The following NEURL1B variants were observed in gnomAD, a reference collection of about 807,000 sequenced individuals.
NEURL1B encodes the protein E3 ubiquitin-protein ligase NEURL1B.
A neutral mutation model predicts 37.4 loss-of-function variants in NEURL1B; 13 were observed. The ratio of observed to expected loss-of-function variants is 0.35; its 90% CI spans 0.23 to 0.55. The LOEUF is 0.55. Among genes scored for constraint, NEURL1B ranks in the 20% least tolerant of loss-of-function variants. NEURL1B has a pLI of 0.89. For missense variants in NEURL1B, 790 were observed against 879.2 expected (o/e 0.90, Z 1.28); for synonymous variants, 432 against 426.6 (o/e 1.01, Z -0.16).
chr5:172,661,383 G>A lies in NEURL1B; in HGVS notation c.32-8402G>A, dbSNP rs2113287464. ...CTATAGATTTTATTGCTTCTAACAA[G>A]GTCCATGAACCATTCCCCACGCCCC... On this transcript the variant is annotated intron_variant, in intron 1 of 4. Transcript: ENST00000369800. The surrounding 1 kb of genome is among the most constrained non-coding windows in gnomAD (Gnocchi z 4.0). Among the ~76,000 whole-genome samples the A allele has an allele frequency of 6.6e-6, 1 of 152,270 alleles. No individual in the cohort carries two copies. Among genetic ancestry groups the A allele is most frequent in the East Asian group, 1.9e-4 (1 of 5,184 alleles).
rs1292825267 is a variant in NEURL1B, at chr5:172,647,765, G to T, written c.31+6328G>T. Among the ~76,000 whole-genome samples, 1 of 152,106 alleles carries T rather than the reference G, an allele frequency of 6.6e-6. No homozygotes were observed. The highest frequency in any genetic ancestry group is 1.5e-5 in the Non-Finnish European group (1 of 68,016). ...CTCTGGAACTCAAAAGCTGGATGTG[G>T]CCTCTGGGAATCTTGCCTGAGAGGA... On this transcript the variant is annotated intron_variant, in intron 1 of 4. Coordinates refer to ENST00000369800, the MANE Select transcript of NEURL1B (RefSeq NM_001142651.3). This position sits in a 1 kb window ranked among gnomAD's most constrained non-coding sequence, Gnocchi z 4.2.
rs1209805781 is a variant in NEURL1B at position 172,684,210 on chromosome 5, C to T, written c.1297+72C>T. 4.4e-6 allele frequency: 5 copies of T among 1,127,238 alleles called. No homozygotes were observed. The African/African-American group carries it at 6.6e-5, about 15-fold the overall frequency. The allele number at this position is 1,127,238 out of a possible 1,614,324, so 69.8% of individuals were successfully genotyped here. A position where few individuals can be genotyped will look rare whatever the true frequency, so the allele number is the denominator to read the frequency against. On this transcript the variant is annotated intron_variant, in intron 3 of 4. Transcript: ENST00000369800. ...CCGTGCCGTCTCACCCCGCTGCGCTCTTCCCCGGCCCCGCCCCTCTCGCTA... is the reference window on the plus strand; with the variant it reads ...CCGTGCCGTCTCACCCCGCTGCGCTTTTCCCCGGCCCCGCCCCTCTCGCTA...
intron 1 of NEURL1B, among the ~76,000 whole-genome samples, chr5:172,663,409 T>C (rs1368360389): frequency 6.6e-6 from 1 of 150,696 alleles, no homozygotes; most frequent in African/African-American, 2.5e-5. Flanking sequence ...TAGTCCCAGC[T>C]ACTCAGGAGG....
Position 172,681,709 on chromosome 5 carries a change from G to A in NEURL1B, c.578-1710G>A, listed in dbSNP as rs992329968. Among the ~76,000 whole-genome samples the A allele has an allele frequency of 4.4e-4, 67 of 152,208 alleles. 1 individual carries two copies. Among genetic ancestry groups the A allele is most frequent in the Non-Finnish European group, 8.8e-5 (6 of 68,046 alleles). On this transcript the variant is annotated intron_variant, in intron 2 of 4. Coordinates refer to ENST00000369800, the MANE Select transcript of NEURL1B (RefSeq NM_001142651.3). ...CAGTTTAAGTGAAAGGTGTCTGAGG[G>A]GGTGCATTTGGACCCACCGGGGCCT...
Position 172,690,357 on chromosome 5 carries a change from G to A in NEURL1B, c.*3432G>A, listed in dbSNP as rs1337503102. 1 of 152,230 alleles carries A rather than the reference G, an allele frequency of 6.6e-6. No homozygotes were observed. The highest frequency in any genetic ancestry group is 2.4e-5 in the African/African-American group (1 of 41,446). The allele number at this position is 152,230 out of a possible 1,614,324, so 9.4% of individuals were successfully genotyped here. ...CAGCATGGACTGTGTTCAGGACACA[G>A]GGTGAACTTTTCTCTGACCCCCGGT... On this transcript the variant is annotated 3_prime_UTR_variant, in exon 5 of 5. Coordinates refer to ENST00000369800, the MANE Select transcript of NEURL1B (RefSeq NM_001142651.3).
Position 172,669,914 on chromosome 5 carries a change from G to T in NEURL1B, c.161G>T (p.Gly54Val). Residue 54 changes from glycine to valine, a missense_variant, in exon 2 of 5, where the codon GGC becomes GTC. Gly to Val is a moderately radical substitution (Grantham distance 109). Transcript: ENST00000369800. ...QAKGKNVRLD[G>V]HSRRATRRNS... ...AAAGGCAAGAACGTGCGGCTGGACG[G>T]CCACTCGCGCCGGGCCACACGGCGC... 1 of 1,450,690 alleles carries T rather than the reference G, an allele frequency of 6.9e-7. No individual in the cohort carries two copies. The allele number at this position is 1,450,690 out of a possible 1,614,324, so 89.9% of individuals were successfully genotyped here.
At chr5:172,684,225 C>G (rs1561653710) in intron 3 of NEURL1B, 87 bp downstream of exon 3, 1 of 1,098,410 alleles carries the variant, frequency 9.1e-7, no homozygotes, top group South Asian at 4.5e-5. Flanking sequence ...CCGGCCCCGC[C>G]CCTCTCGCTA....
Position 172,641,540 on chromosome 5 carries a change from C to A in NEURL1B, c.31+103C>A. 9.8e-7 allele frequency: 1 copy of A among 1,016,418 alleles called. No individual in the cohort carries two copies. The highest frequency in any genetic ancestry group is 1.3e-6 in the Non-Finnish European group (1 of 789,038). 63.0% of individuals were successfully genotyped at this position (1,016,418 alleles called of 1,614,324 possible). On this transcript the variant is annotated intron_variant, in intron 1 of 4. Coordinates refer to ENST00000369800, the MANE Select transcript of NEURL1B (RefSeq NM_001142651.3). This position sits in a 1 kb window ranked among gnomAD's most constrained non-coding sequence, Gnocchi z 6.4. Reference sequence around the variant, plus strand: ...GCTACCCCACGGCCCTTGGAGCCCTCGGCTCGCAGCGGGCTGGAGTCTCCG... The same window carrying A: ...GCTACCCCACGGCCCTTGGAGCCCTAGGCTCGCAGCGGGCTGGAGTCTCCG...
Position 172,657,230 on chromosome 5 carries a change from G to C in NEURL1B, c.32-12555G>C, listed in dbSNP as rs1757814295. Among the ~76,000 whole-genome samples the C allele has an allele frequency of 6.6e-6, 1 of 152,148 alleles. No homozygotes were observed. Among genetic ancestry groups the C allele is most frequent in the African/African-American group, 2.4e-5 (1 of 41,414 alleles). On this transcript the variant is annotated intron_variant, in intron 1 of 4. Transcript: ENST00000369800. This position sits in a 1 kb window ranked among gnomAD's most constrained non-coding sequence, Gnocchi z 4.0. ...CCTAATGTCCCTATATGTGAAATGG[G>C]CTCACAGGGCTATAGAGAGGACCAG... is the stretch of plus-strand genomic sequence containing the variant.
chr5:172,649,987 T>C (rs900055797), intron 1 of NEURL1B, among the ~76,000 whole-genome samples: 31 of 152,194 alleles, frequency 2.0e-4, no homozygotes, highest in Non-Finnish European at 3.2e-4. Context: ...AGTTCTTTAA[T>C]GACTAAGCCA....
chr5:172,668,422 C>T (rs142769967), intron 1 of NEURL1B, among the ~76,000 whole-genome samples: 2 of 152,172 alleles, frequency 1.3e-5, no homozygotes, highest in Non-Finnish European at 2.9e-5. Flanking sequence ...GTGATTTCCT[C>T]CCCCCGTGAC....
chr5:172,641,780 G>A lies in NEURL1B; in HGVS notation c.31+343G>A, dbSNP rs944409311. On this transcript the variant is annotated intron_variant, in intron 1 of 4. Transcript: ENST00000369800. The surrounding 1 kb of genome is among the most constrained non-coding windows in gnomAD (Gnocchi z 6.4). ...TGAGCAAACTCAAGGCGACCTGGGT[G>A]GGGGTGACTGGAGCCGGGCTCGCCA... 6.6e-6 allele frequency among the ~76,000 whole-genome samples: 1 copy of A among 152,224 alleles called. No individual in the cohort carries two copies. The highest frequency in any genetic ancestry group is 1.5e-5 in the Non-Finnish European group (1 of 68,022).
At chr5:172,679,392 C>T (rs1396847933) in intron 2 of NEURL1B, among the ~76,000 whole-genome samples, 2 of 152,250 alleles carry the variant, frequency 1.3e-5, no homozygotes, top group East Asian at 3.8e-4. Context: ...CGCTCGAGAA[C>T]GTGGTTATGT....
At chr5:172,659,029 T>TGGGGGGGGGGGGG in intron 1 of NEURL1B, among the ~76,000 whole-genome samples, 1 of 10,010 alleles carries the variant, frequency 1.0e-4, no homozygotes, top group African/African-American at 3.9e-4. Context: ...CCACCACCCC[T>TGGGGGGGGGGGGG]GCCCGCCCCC....
intron 1 of NEURL1B, among the ~76,000 whole-genome samples, chr5:172,663,122 G>A (rs143676123): frequency 0.012 from 1,848 of 148,604 alleles, 18 homozygotes; most frequent in Non-Finnish European, 0.019. Flanking sequence ...GCTGAGGTGG[G>A]AGAATCACTT....
chr5:172,646,898 G>C (rs1244797551), intron 1 of NEURL1B, among the ~76,000 whole-genome samples: 8 of 151,716 alleles, frequency 5.3e-5, no homozygotes, highest in Admixed American at 6.6e-5. Context: ...GAGGACCCCA[G>C]TGCAAATGGG....
chr5:172,672,903 A>G (rs1419062580), intron 2 of NEURL1B, among the ~76,000 whole-genome samples: 1 of 152,242 alleles, frequency 6.6e-6, no homozygotes, highest in African/African-American at 2.4e-5. Flanking sequence ...TTTAAAAAAT[A>G]CATATATGGA....
At chr5:172,644,088 T>C (rs1223506075) in intron 1 of NEURL1B, among the ~76,000 whole-genome samples, 1 of 152,150 alleles carries the variant, frequency 6.6e-6, no homozygotes, top group Non-Finnish European at 1.5e-5. Context: ...GTTAGCAGTT[T>C]CTTGTCTGTC....
chr5:172,675,360 C>T lies in NEURL1B; in HGVS notation c.577+5030C>T, dbSNP rs188497924. Among the ~76,000 whole-genome samples the T allele has an allele frequency of 1.3e-5, 2 of 152,148 alleles. No homozygotes were observed. Among genetic ancestry groups the T allele is most frequent in the Admixed American group, 6.5e-5 (1 of 15,284 alleles). ...TGCCCATTGATGGACACCTGGATTA[C>T]GACCAATCCCCCAAGCCACACACAC... On this transcript the variant is annotated intron_variant, in intron 2 of 4. Coordinates refer to ENST00000369800, the MANE Select transcript of NEURL1B (RefSeq NM_001142651.3). This position sits in a 1 kb window ranked among gnomAD's most constrained non-coding sequence, Gnocchi z 4.7.
Sources: allele counts gnomAD v4.1 joint callset (sites outside exome capture counted in the v4.1 genomes callset), GRCh38; gene constraint gnomAD v4.1.1; non-coding constraint Gnocchi (gnomAD v3.1); transcripts MANE v1.5; gene names NCBI Gene and HGNC (gene_info 2026-07-23, HGNC 2026-07-21).